The following SGK1 variants were observed in gnomAD, a reference collection of about 807,000 sequenced individuals.
The protein encoded by SGK1 is serine/threonine-protein kinase Sgk1.
Under a neutral mutation model 64.2 loss-of-function variants are expected in SGK1, and 26 were observed. The observed-to-expected ratio is 0.40, with a 90% CI of 0.30 to 0.56. SGK1 has a LOEUF of 0.56. Among genes scored for constraint, SGK1 ranks in the 20% least tolerant of loss-of-function variants. The pLI is 0.38. For missense variants in SGK1, 519 were observed against 645.6 expected (o/e 0.80, Z 2.12); for synonymous variants, 265 against 239.7 (o/e 1.11, Z -0.98).
rs140855581 is a variant in SGK1 at position 134,216,785 on chromosome 6, G to A, written c.286-9354C>T. 1.4e-4 allele frequency among the ~76,000 whole-genome samples: 22 copies of A among 152,326 alleles called. No homozygotes were observed. In the East Asian group the frequency reaches 4.2e-3, roughly 29 times the overall value. ...AAGTTGTTGAGCAAGGCTTCAGGGA[G>A]GAAGTAGAACCTGAACAGGCTTTTA... On this transcript the variant is annotated intron_variant, in intron 2 of 13. Coordinates refer to ENST00000367858, the MANE Select transcript of SGK1 (RefSeq NM_001143676.3).
intron 1 of SGK1, among the ~76,000 whole-genome samples, chr6:134,306,911 A>AG (rs200092699): frequency 0.15 from 15,467 of 106,568 alleles, 1,418 homozygotes; most frequent in East Asian, 0.37. Context: ...AAGAAATAAA[A>AG]GGGGGGGGGG....
At chr6:134,178,015 A>T (rs1161375197) in intron 3 of SGK1, 2 of 578,088 alleles carry the variant, frequency 3.5e-6, no homozygotes, top group Non-Finnish European at 6.1e-6. Context: ...CGCACACAAG[A>T]AATGTAACTT....
intron 2 of SGK1, among the ~76,000 whole-genome samples, chr6:134,254,114 C>CTT (rs57975960): frequency 0.042 from 5,280 of 126,458 alleles, 209 homozygotes; most frequent in East Asian, 0.11. Context: ...CTAGTCTCTC[C>CTT]TTTTTTTTTT....
chr6:134,248,885 C>T lies in SGK1; in HGVS notation c.285+13048G>A, dbSNP rs568183510. Among the ~76,000 whole-genome samples, 5 of 152,214 alleles carry T rather than the reference C, an allele frequency of 3.3e-5. No individual in the cohort carries two copies. In the East Asian group the frequency reaches 9.7e-4, roughly 29 times the overall value. ...CTCCCTTTCTTTTTATCCCCCTCTC[C>T]CTTCAACTACTATTCTCTGAAGCTT... is the stretch of plus-strand genomic sequence containing the variant. On this transcript the variant is annotated intron_variant, in intron 2 of 13. Transcript: ENST00000367858.
chr6:134,272,140 C>A lies in SGK1; in HGVS notation c.70-9992G>T, dbSNP rs769550120. Among the ~76,000 whole-genome samples, 103 of 115,100 alleles carry A rather than the reference C, an allele frequency of 8.9e-4. 10 individuals carry two copies. The highest frequency in any genetic ancestry group is 1.4e-3 in the Non-Finnish European group (83 of 57,722). The allele number at this position is 115,100 out of a possible 152,430, so 75.5% of individuals were successfully genotyped here. On this transcript the variant is annotated intron_variant, in intron 1 of 13. Coordinates refer to ENST00000367858, the MANE Select transcript of SGK1 (RefSeq NM_001143676.3). ...TACAGGCATGAGCCACCGTGCCCAG[C>A]CTTTTTTTTTTTTTTCTTGAGACGG...
At chr6:134,174,257 T>A (rs577548707) in intron 4 of SGK1, 177 bp from the exon 5 acceptor site, 1 of 606,698 alleles carries the variant, frequency 1.6e-6, no homozygotes, top group East Asian at 2.8e-5. Flanking sequence ...AATACAGAAA[T>A]AAGGATTGTT....
chr6:134,213,200 C>A (rs1433258212), intron 2 of SGK1, among the ~76,000 whole-genome samples: 8 of 152,128 alleles, frequency 5.3e-5, no homozygotes, highest in Non-Finnish European at 1.0e-4. Flanking sequence ...GCTTTAGGTA[C>A]TTTGCAGAAG....
chr6:134,183,925 T>C (rs1775377120), intron 3 of SGK1, among the ~76,000 whole-genome samples: 1 of 139,140 alleles, frequency 7.2e-6, no homozygotes, highest in Non-Finnish European at 1.5e-5. Flanking sequence ...AAATCTCAGG[T>C]GTTTCTCTGG....
intron 2 of SGK1, among the ~76,000 whole-genome samples, chr6:134,248,736 A>G (rs1426720823): frequency 2.0e-5 from 3 of 152,134 alleles, no homozygotes. Flanking sequence ...CTCAACATAG[A>G]GAACTCCCTA....
intron 1 of SGK1, among the ~76,000 whole-genome samples, chr6:134,274,961 T>C (rs1043502396): frequency 6.6e-6 from 1 of 152,052 alleles, no homozygotes; most frequent in African/African-American, 2.4e-5. Context: ...TGCACCACCA[T>C]GCCCTGCTAA....
intron 1 of SGK1, among the ~76,000 whole-genome samples, chr6:134,273,979 G>A (rs1776981712): frequency 6.6e-6 from 1 of 152,040 alleles, no homozygotes; most frequent in African/African-American, 2.4e-5. Context: ...TTTTAAGCAG[G>A]AGAGTAGGAT....
intron 4 of SGK1, 96 bp from the exon 5 acceptor site, chr6:134,174,176 G>T: frequency 2.4e-6 from 2 of 842,020 alleles, no homozygotes; most frequent in Non-Finnish European, 3.9e-6. Flanking sequence ...ACTTCTACCC[G>T]GATAATTCAC....
intron 1 of SGK1, among the ~76,000 whole-genome samples, chr6:134,265,622 A>ATATATATATACATATATATTT (rs1776842555): frequency 1.5e-5 from 2 of 131,514 alleles, no homozygotes; most frequent in Non-Finnish European, 3.1e-5. Flanking sequence ...ATATATACAT[A>ATATATATATACATATATATTT]TATATATATA....
Position 134,293,991 on chromosome 6 carries a change from G to T in SGK1, c.69+23401C>A, listed in dbSNP as rs144383538. Reference sequence around the variant, plus strand: ...ATTTTAGCAACACACATGAGAAAAGGTTCACTTTTGCGCCCACTGACAATC... The same window carrying T: ...ATTTTAGCAACACACATGAGAAAAGTTTCACTTTTGCGCCCACTGACAATC... On this transcript the variant is annotated intron_variant, in intron 1 of 13. Coordinates refer to ENST00000367858, the MANE Select transcript of SGK1 (RefSeq NM_001143676.3). Among the ~76,000 whole-genome samples, 1,064 of 152,220 alleles carry T rather than the reference G, an allele frequency of 7.0e-3. 3 individuals carry two copies. Among genetic ancestry groups the T allele is most frequent in the Non-Finnish European group, 0.01 (690 of 68,028 alleles).
intron 1 of SGK1, among the ~76,000 whole-genome samples, chr6:134,290,257 G>A (rs561429119): frequency 3.3e-5 from 5 of 151,296 alleles, no homozygotes; most frequent in Admixed American, 2.0e-4. Flanking sequence ...GCAGGAGTTC[G>A]AGGCTGCACT....
chr6:134,280,893 C>T (rs1777084116), intron 1 of SGK1, among the ~76,000 whole-genome samples: 1 of 152,094 alleles, frequency 6.6e-6, no homozygotes, highest in African/African-American at 2.4e-5. Flanking sequence ...ATGGTGAAAC[C>T]CCATCTCTAC....
intron 1 of SGK1, among the ~76,000 whole-genome samples, chr6:134,284,588 G>A (rs984416906): frequency 7.4e-5 from 11 of 149,600 alleles, no homozygotes; most frequent in African/African-American, 1.5e-4. Context: ...AGGTTCAAGC[G>A]ATTCTCCTGC....
chr6:134,239,633 A>G (rs897762863), intron 2 of SGK1, among the ~76,000 whole-genome samples: 5 of 152,220 alleles, frequency 3.3e-5, no homozygotes, highest in African/African-American at 1.2e-4. Context: ...TGACCAAAGA[A>G]CAAGGGATGA....
At chr6:134,211,485 G>T in intron 2 of SGK1, 1 of 161,066 alleles carries the variant, frequency 6.2e-6, no homozygotes, top group Non-Finnish European at 1.4e-5. Flanking sequence ...AATTTGGCCA[G>T]GGTTCTCGCT....
Sources: allele counts gnomAD v4.1 joint callset (sites outside exome capture counted in the v4.1 genomes callset), GRCh38; gene constraint gnomAD v4.1.1; transcripts MANE v1.5; gene names NCBI Gene and HGNC (gene_info 2026-07-23, HGNC 2026-07-21).